FAM83D: variants seen among roughly 807,000 people sequenced by gnomAD.
FAM83D encodes the protein protein FAM83D.
A neutral mutation model predicts 25.4 loss-of-function variants in FAM83D; 26 were observed. The observed-to-expected ratio is 1.02, with a 90% confidence interval of 0.75 to 1.42. The LOEUF (loss-of-function observed/expected upper bound fraction) is 1.42. Among genes scored for constraint, FAM83D ranks in the 40% most tolerant of loss-of-function variants. The pLI is 0.00. For missense variants in FAM83D, 740 were observed against 758.1 expected, an observed-to-expected ratio of 0.98 and a Z score of 0.28; for synonymous variants, 310 against 318.5, an observed-to-expected ratio of 0.97 and a Z score of 0.28.
At chr20:38,935,570 G>A (rs1233772432) in intron 1 of FAM83D, among the ~76,000 whole-genome samples, 1 of 152,182 alleles carries the variant, frequency 6.6e-6, no homozygotes, top group Non-Finnish European at 1.5e-5. Context: ...AGACTCCCGA[G>A]TAACTGGGAC....
chr20:38,951,519 G>A lies in FAM83D; in HGVS notation c.777-20G>A. ...TGCTCATCCTTACCAGCTGCTGTTT[G>A]TTTCTTTTTAATCTTTAAGTTTTAC... On this transcript the variant is annotated intron_variant, in intron 3 of 3. Transcript: ENST00000619850. The A allele has an allele frequency of 6.3e-7, 1 of 1,598,206 alleles. No homozygotes were observed. Among genetic ancestry groups the A allele is most frequent in the East Asian group, 2.2e-5 (1 of 44,726 alleles).
chr20:38,930,714 C>G (rs1216526164), intron 1 of FAM83D, among the ~76,000 whole-genome samples: 1 of 151,922 alleles, frequency 6.6e-6, no homozygotes, highest in South Asian at 2.1e-4. Flanking sequence ...GTGGCACAGT[C>G]TCAGCTCTCA....
At chr20:38,933,173 T>C (rs1322746231) in intron 1 of FAM83D, among the ~76,000 whole-genome samples, 1 of 152,216 alleles carries the variant, frequency 6.6e-6, no homozygotes, top group Non-Finnish European at 1.5e-5. Context: ...GTCTTGTACA[T>C]TGTAGGACGT....
chr20:38,942,997 C>G (rs777903640), intron 2 of FAM83D, among the ~76,000 whole-genome samples: 2 of 151,736 alleles, frequency 1.3e-5, no homozygotes, highest in African/African-American at 4.8e-5. Context: ...TTTTGAGCCC[C>G]CACTCTGTCT....
intron 1 of FAM83D, among the ~76,000 whole-genome samples, chr20:38,940,838 G>A (rs1330523713): frequency 6.6e-6 from 1 of 152,206 alleles, no homozygotes; most frequent in Non-Finnish European, 1.5e-5. Context: ...TCCCTGTGTT[G>A]AACTGTCTGG....
rs747020087 is a variant in FAM83D, at chr20:38,952,528, G to A, written c.*8G>A. 16 of 1,605,030 alleles carry A rather than the reference G, an allele frequency of 1.0e-5. No homozygotes were observed. The highest frequency in any genetic ancestry group is 2.7e-5 in the African/African-American group (2 of 74,748). On this transcript the variant is annotated 3_prime_UTR_variant, in exon 4 of 4. Coordinates refer to ENST00000619850, the MANE Select transcript of FAM83D (RefSeq NM_030919.3). ...TATCCTTCCTATCAGTAACTGCTCC[G>A]TGTTCAGACTCCTGGTTTCTTCCAG...
intron 1 of FAM83D, among the ~76,000 whole-genome samples, chr20:38,929,746 C>T (rs2145799178): frequency 6.6e-6 from 1 of 150,430 alleles, no homozygotes; most frequent in East Asian, 1.9e-4. Flanking sequence ...CTGTGAATGG[C>T]TACTGCACTC....
intron 1 of FAM83D, among the ~76,000 whole-genome samples, chr20:38,935,804 GT>G (rs1423880460): frequency 6.6e-6 from 1 of 152,188 alleles, no homozygotes; most frequent in South Asian, 2.1e-4. Context: ...ACACAAGCAA[GT>G]TTAGGTTTCG....
At chr20:38,928,101 A>G (rs1879688551) in intron 1 of FAM83D, among the ~76,000 whole-genome samples, 2 of 152,202 alleles carry the variant, frequency 1.3e-5, no homozygotes. Context: ...GTGTCGTGGC[A>G]GACACCTTGG....
intron 1 of FAM83D, among the ~76,000 whole-genome samples, chr20:38,931,658 G>A (rs967587378): frequency 9.2e-5 from 14 of 152,336 alleles, no homozygotes; most frequent in African/African-American, 2.9e-4. Flanking sequence ...GCCAGGATAC[G>A]AGGCTCCTTG....
Position 38,952,103 on chromosome 20 carries a change from T to A in FAM83D, c.1341T>A (p.Asp447Glu). 1 of 1,614,248 alleles carries A rather than the reference T, an allele frequency of 6.2e-7. No homozygotes were observed. Among genetic ancestry groups the A allele is most frequent in the Non-Finnish European group, 8.5e-7 (1 of 1,180,044 alleles). Residue 447 changes from aspartate (D) to glutamate (E), a missense_variant, in exon 4 of 4, where the codon GAT becomes GAA. Physicochemically the swap from Asp to Glu is conservative, Grantham distance 45. Transcript: ENST00000619850. Reference protein sequence around the residue: ...SRSTTTQTDMDENILFPRGTQ... With the variant: ...SRSTTTQTDMEENILFPRGTQ... ...CGACCACTACTCAGACTGACATGGA[T>A]GAGAACATTCTCTTTCCTCGAGGAA...
At chr20:38,933,864 CTT>C (rs113072441) in intron 1 of FAM83D, among the ~76,000 whole-genome samples, 3 of 144,344 alleles carry the variant, frequency 2.1e-5, no homozygotes, top group African/African-American at 2.5e-5. Context: ...TTCTTTCTTT[CTT>C]TTTTTTTTTT....
At chr20:38,932,902 A>G (rs2085664182) in intron 1 of FAM83D, among the ~76,000 whole-genome samples, 1 of 152,186 alleles carries the variant, frequency 6.6e-6, no homozygotes, top group South Asian at 2.1e-4. Flanking sequence ...CCTGAGCGTT[A>G]GTAGTGGGGA....
At chr20:38,945,221 A>G (rs2085721765) in intron 2 of FAM83D, among the ~76,000 whole-genome samples, 1 of 152,094 alleles carries the variant, frequency 6.6e-6, no homozygotes, top group Non-Finnish European at 1.5e-5. Flanking sequence ...CAACATTCAG[A>G]TGTGTGTCAA....
chr20:38,942,203 TGGC>T (rs1364103628), intron 2 of FAM83D, 77 bp downstream of exon 2: 1 of 1,506,106 alleles, frequency 6.6e-7, no homozygotes, highest in Admixed American at 1.7e-5. Flanking sequence ...AGCTGGCTGG[TGGC>T]GGTATCCCTG....
rs2085635113 is a variant in FAM83D, at chr20:38,926,529, C to T, written c.87C>T (p.Ser29=). 6.3e-7 allele frequency: 1 copy of T among 1,589,362 alleles called. No homozygotes were observed. ...CGCCCAACCCGACCGAGCTGTTCAGCGAGTCACGGCGCCTGGCTCTGGAGG... is the reference window on the plus strand; with the variant it reads ...CGCCCAACCCGACCGAGCTGTTCAGTGAGTCACGGCGCCTGGCTCTGGAGG... ...CGPPNPTELF[S]ESRRLALEEL... is the part of the protein sequence containing the mutation. The change falls in exon 1 of 4, where the codon AGC becomes AGT. Residue 29 remains serine, a synonymous_variant. Transcript: ENST00000619850.
intron 2 of FAM83D, among the ~76,000 whole-genome samples, chr20:38,942,962 C>T (rs1317938419): frequency 2.0e-5 from 3 of 151,962 alleles, no homozygotes; most frequent in East Asian, 3.9e-4. Flanking sequence ...AGGAGGCTGC[C>T]CTTTTAATCA....
At chr20:38,936,490 G>A (rs2085679743) in intron 1 of FAM83D, among the ~76,000 whole-genome samples, 1 of 152,168 alleles carries the variant, frequency 6.6e-6, no homozygotes, top group Non-Finnish European at 1.5e-5. Flanking sequence ...GATAGGTACT[G>A]TCAATCATCC....
In FAM83D at chr20:38,928,027, C is replaced by T. The variant is rs61626330; in HGVS notation, c.483+1102C>T. Among the ~76,000 whole-genome samples the T allele has an allele frequency of 7.2e-5, 11 of 152,362 alleles. No homozygotes were observed. In the South Asian group the frequency reaches 2.3e-3, roughly 32 times the overall value. ...TGTCTGCTTGCCAGCCTCGATAAAG[C>T]TGCAGCAGGGTGCTGGGGATCAAGG... is the stretch of plus-strand genomic sequence containing the variant. On this transcript the variant is annotated intron_variant, in intron 1 of 3. Transcript: ENST00000619850.
Sources: gnomAD v4.1 joint callset for allele counts (sites outside exome capture counted in the v4.1 genomes callset) on GRCh38, gnomAD v4.1.1 for gene constraint, MANE v1.5 for transcripts, NCBI Gene and HGNC (gene_info 2026-07-23, HGNC 2026-07-21) for gene names.